Variants in MOBP observed in about 807,000 individuals in gnomAD.
MOBP encodes the protein myelin associated oligodendrocyte basic protein.
Under a neutral mutation model 15.0 loss-of-function variants are expected in MOBP, and 5 were observed. The observed-to-expected ratio is 0.33, with a 90% CI of 0.17 to 0.70. The LOEUF (loss-of-function observed/expected upper bound fraction) is 0.70. MOBP is among the 30% of genes least tolerant of loss of function. The probability of loss-of-function intolerance (pLI) is 0.67; values close to 1 mark genes in which losing one functional copy is unlikely to be tolerated. For missense variants in MOBP, 188 were observed against 257.8 expected, an observed-to-expected ratio of 0.73 and a Z score of 1.85; for synonymous variants, 88 against 99.0, an observed-to-expected ratio of 0.89 and a Z score of 0.66.
At chr3:39,480,482 G>A (rs145315898) in intron 2 of MOBP, among the ~76,000 whole-genome samples, 1 of 152,146 alleles carries the variant, frequency 6.6e-6, no homozygotes, top group East Asian at 1.9e-4. Flanking sequence ...ATCTTTTTGT[G>A]TTAACTGAAT....
At chr3:39,469,378 GGAATTAATTAAAATTTA>G in intron 1 of MOBP, among the ~76,000 whole-genome samples, 1 of 89,102 alleles carries the variant, frequency 1.1e-5, no homozygotes, top group Non-Finnish European at 2.2e-5. Context: ...TATTTTAATT[GGAATTAATTAAAATTTA>G]TTTTAATTGG....
At position 39,493,242 on chromosome 3, in the gene MOBP, CT is replaced by C. The variant is rs555788306; in HGVS notation, c.-4-8823del. Among the ~76,000 whole-genome samples the C allele has an allele frequency of 1.2e-3, 187 of 152,264 alleles. 1 individual carries two copies. Among genetic ancestry groups the C allele is most frequent in the Admixed American group, 2.7e-3 (42 of 15,300 alleles). On this transcript the variant is annotated intron_variant, in intron 2 of 3. Coordinates refer to ENST00000684792, the MANE Select transcript of MOBP (RefSeq NM_001393704.1). ...GTAGCCTTTTTAGGGAATGGCGAAGCTGTGTTTATAGATACTATGACACTAG... is the reference window on the plus strand; with the variant it reads ...GTAGCCTTTTTAGGGAATGGCGAAGCGTGTTTATAGATACTATGACACTAG...
At chr3:39,468,356 T>C (rs1392426412) in intron 1 of MOBP, among the ~76,000 whole-genome samples, 2 of 152,308 alleles carry the variant, frequency 1.3e-5, no homozygotes, top group East Asian at 1.9e-4. Context: ...AAAAATATTA[T>C]GTGTCAGGGA....
At chr3:39,468,047 G>A (rs1434830867) in intron 1 of MOBP, among the ~76,000 whole-genome samples, 1 of 151,910 alleles carries the variant, frequency 6.6e-6, no homozygotes, top group Non-Finnish European at 1.5e-5. Flanking sequence ...CCTGGAGCTA[G>A]ATGGATGGTA....
At chr3:39,523,572 A>G (rs546592041) in intron 3 of MOBP, among the ~76,000 whole-genome samples, 5 of 151,966 alleles carry the variant, frequency 3.3e-5, no homozygotes, top group Admixed American at 6.6e-5. Context: ...TCTTTTTTTT[A>G]TTTTTAAAAG....
At chr3:39,468,496 A>G (rs550760309) in intron 1 of MOBP, among the ~76,000 whole-genome samples, 1 of 152,298 alleles carries the variant, frequency 6.6e-6, no homozygotes, top group East Asian at 1.9e-4. Context: ...TTTCGTATTT[A>G]GAATGACAGG....
downstream of MOBP, among the ~76,000 whole-genome samples, chr3:39,505,764 C>T (rs958191998): frequency 6.6e-6 from 1 of 152,188 alleles, no homozygotes; most frequent in Admixed American, 6.5e-5. Flanking sequence ...CTCTCATTCT[C>T]CTTCAACACT....
At chr3:39,468,690 GTATATACA>G (rs1212695703) in intron 1 of MOBP, among the ~76,000 whole-genome samples, 1 of 126,224 alleles carries the variant, frequency 7.9e-6, no homozygotes, top group Non-Finnish European at 1.7e-5. Context: ...ATATGTGTGT[GTATATACA>G]TATATACATA....
chr3:39,515,952 T>G (rs907573507), exon 5 of MOBP: 1 of 151,982 alleles, frequency 6.6e-6, no homozygotes, highest in Non-Finnish European at 1.5e-5. Context: ...CAGTTCCCCC[T>G]CCCCCCACAT....
Position 39,509,217 on chromosome 3 carries a change from A to T in MOBP, c.*-4166A>T, listed in dbSNP as rs2043088169. On this transcript the variant is annotated intron_variant, in intron 4 of 4. Transcript: ENST00000311042. ...AAAGCTGTGAACATTATGTGAACAT[A>T]AGTTTTCCTTTCTATTGGGTAAATA... Among the ~76,000 whole-genome samples the T allele has an allele frequency of 2.0e-5, 3 of 152,250 alleles. No homozygotes were observed. The East Asian group carries it at 5.8e-4, about 29-fold the overall frequency.
chr3:39,471,699 C>T (rs771099313), intron 1 of MOBP, among the ~76,000 whole-genome samples: 6 of 152,142 alleles, frequency 3.9e-5, no homozygotes, highest in Admixed American at 6.5e-5. Context: ...TCTGGCATGC[C>T]GGCATGCCCC....
intron 3 of MOBP, among the ~76,000 whole-genome samples, chr3:39,522,323 C>A (rs1400539079): frequency 6.6e-6 from 1 of 152,204 alleles, no homozygotes; most frequent in Non-Finnish European, 1.5e-5. Flanking sequence ...TAGCACTATT[C>A]ACTATTTGCA....
intron 1 of MOBP, among the ~76,000 whole-genome samples, chr3:39,469,195 T>G (rs1351205868): frequency 9.4e-6 from 1 of 106,822 alleles, no homozygotes; most frequent in Admixed American, 9.0e-5. Context: ...TGTGTGTATA[T>G]ACATATATAC....
chr3:39,522,864 A>T (rs1200031112), intron 3 of MOBP, among the ~76,000 whole-genome samples: 4 of 152,204 alleles, frequency 2.6e-5, no homozygotes, highest in African/African-American at 9.7e-5. Flanking sequence ...TTTAGGCAAA[A>T]ATATGACTTT....
exon 5 of MOBP, chr3:39,514,868 TC>T (rs1180794275): frequency 6.6e-6 from 1 of 152,088 alleles, no homozygotes; most frequent in Non-Finnish European, 1.5e-5. Context: ...ATCTACCACA[TC>T]CCCTACACAC....
At chr3:39,492,017 A>G (rs113828094) in intron 2 of MOBP, among the ~76,000 whole-genome samples, 3,644 of 152,290 alleles carry the variant, frequency 0.024, 147 homozygotes, top group African/African-American at 0.078. Flanking sequence ...CAGCATGACT[A>G]TGAGTGACTG....
At chr3:39,496,823 C>G (rs772811822) in intron 2 of MOBP, among the ~76,000 whole-genome samples, 16 of 152,120 alleles carry the variant, frequency 1.1e-4, no homozygotes, top group Non-Finnish European at 1.8e-4. Flanking sequence ...ACCACCATGC[C>G]CAACTAATTT....
At chr3:39,521,740 G>A (rs1450151818) in intron 3 of MOBP, among the ~76,000 whole-genome samples, 2 of 152,102 alleles carry the variant, frequency 1.3e-5, no homozygotes, top group African/African-American at 4.8e-5. Flanking sequence ...GAAAATGTCC[G>A]ACTAAAAAGC....
At chr3:39,472,064 A>G (rs1157867035) in intron 1 of MOBP, among the ~76,000 whole-genome samples, 1 of 152,234 alleles carries the variant, frequency 6.6e-6, no homozygotes, top group Non-Finnish European at 1.5e-5. Flanking sequence ...GGTGCCTGGT[A>G]GAGACAGAAC....
Sources: gnomAD v4.1 joint callset for allele counts (sites outside exome capture counted in the v4.1 genomes callset) on GRCh38, gnomAD v4.1.1 for gene constraint, MANE v1.5 for transcripts, NCBI Gene and HGNC (gene_info 2026-07-23, HGNC 2026-07-21) for gene names.